Variants in NKAIN2 observed in about 807,000 individuals in gnomAD.
The protein encoded by NKAIN2 is sodium/potassium transporting ATPase interacting 2.
NKAIN2 carries 14 observed loss-of-function variants against 32.6 expected under a neutral mutation model. The observed-to-expected ratio is 0.43, with a 90% CI of 0.28 to 0.67. The LOEUF (loss-of-function observed/expected upper bound fraction) is 0.67. Ranked by LOEUF, NKAIN2 falls within the 30% of genes least tolerant of loss-of-function variation. The pLI is 0.17. For synonymous variants in NKAIN2, 80 were observed against 87.2 expected (o/e 0.92, Z 0.46); for missense variants, 198 against 258.3 (o/e 0.77, Z 1.60).
intron 4 of NKAIN2, among the ~76,000 whole-genome samples, chr6:124,706,532 C>T (rs1467489658): frequency 6.6e-6 from 1 of 152,012 alleles, no homozygotes; most frequent in African/African-American, 2.4e-5. Flanking sequence ...CAAGTCCAGG[C>T]AGAGCTATCA....
At chr6:124,512,619 C>A (rs1278760594) in intron 3 of NKAIN2, among the ~76,000 whole-genome samples, 1 of 152,184 alleles carries the variant, frequency 6.6e-6, no homozygotes, top group Admixed American at 6.5e-5. Flanking sequence ...AGTAGTCAGG[C>A]TGTTGCCATA....
chr6:124,435,283 A>C (rs1775390170), intron 3 of NKAIN2, among the ~76,000 whole-genome samples: 1 of 152,148 alleles, frequency 6.6e-6, no homozygotes, highest in South Asian at 2.1e-4. Context: ...GTCTTGGTAC[A>C]TCATTAAGTT....
chr6:124,426,614 T>G (rs1774992998), intron 3 of NKAIN2, among the ~76,000 whole-genome samples: 1 of 152,138 alleles, frequency 6.6e-6, no homozygotes, highest in Non-Finnish European at 1.5e-5. Context: ...GAGGTACCAA[T>G]GTACATGGCT....
At chr6:124,770,885 A>C (rs1778722018) in intron 4 of NKAIN2, among the ~76,000 whole-genome samples, 1 of 152,134 alleles carries the variant, frequency 6.6e-6, no homozygotes, top group African/African-American at 2.4e-5. Context: ...AAATAATACC[A>C]AAAAAAGCCA....
chr6:124,819,164 C>CA, intron 6 of NKAIN2: 1 of 915,624 alleles, frequency 1.1e-6, no homozygotes, highest in Non-Finnish European at 1.3e-6. Flanking sequence ...AAGCGAAGAT[C>CA]AAAATAGAAA....
intron 4 of NKAIN2, among the ~76,000 whole-genome samples, chr6:124,721,655 A>C (rs935395486): frequency 2.0e-5 from 3 of 152,002 alleles, no homozygotes. Flanking sequence ...AAGTCATTCC[A>C]AGAAGTCTTT....
At chr6:124,641,295 G>C (rs1783975226) in intron 3 of NKAIN2, among the ~76,000 whole-genome samples, 3 of 152,076 alleles carry the variant, frequency 2.0e-5, no homozygotes, top group Admixed American at 1.3e-4. Context: ...AATGCAAAAA[G>C]AATAGACCAA....
At chr6:123,908,280 C>T (rs1210234866) in intron 1 of NKAIN2, among the ~76,000 whole-genome samples, 1 of 152,056 alleles carries the variant, frequency 6.6e-6, no homozygotes, top group Non-Finnish European at 1.5e-5. Context: ...AAATATACCT[C>T]CTTAAGATTT....
At chr6:123,947,184 C>T (rs576951263) in intron 1 of NKAIN2, among the ~76,000 whole-genome samples, 3 of 152,262 alleles carry the variant, frequency 2.0e-5, no homozygotes, top group East Asian at 3.9e-4. Context: ...GTTATTCTAG[C>T]CCTTTGTCTT....
At chr6:124,632,859 A>G (rs1007230619) in intron 3 of NKAIN2, among the ~76,000 whole-genome samples, 1 of 152,192 alleles carries the variant, frequency 6.6e-6, no homozygotes, top group Non-Finnish European at 1.5e-5. Context: ...CAACTAAAAT[A>G]TCTTTAAAAG....
At chr6:123,811,661 T>G (rs1773478238) in intron 1 of NKAIN2, among the ~76,000 whole-genome samples, 3 of 152,136 alleles carry the variant, frequency 2.0e-5, no homozygotes. Flanking sequence ...CTAGGGGAGA[T>G]AATATGCTAA....
At chr6:124,169,394 A>G (rs1788734753) in intron 1 of NKAIN2, among the ~76,000 whole-genome samples, 1 of 152,162 alleles carries the variant, frequency 6.6e-6, no homozygotes, top group African/African-American at 2.4e-5. Context: ...ATTGCTCATT[A>G]AGTATTAAAA....
chr6:124,729,577 C>G (rs1282356694), intron 4 of NKAIN2, among the ~76,000 whole-genome samples: 3 of 151,490 alleles, frequency 2.0e-5, no homozygotes, highest in South Asian at 4.2e-4. Flanking sequence ...TAAAAGCTAT[C>G]TATGACAAAA....
intron 4 of NKAIN2, among the ~76,000 whole-genome samples, chr6:124,739,422 T>G (rs1304878561): frequency 1.3e-5 from 2 of 151,864 alleles, no homozygotes; most frequent in Non-Finnish European, 1.5e-5. Flanking sequence ...TATGCATGCG[T>G]GCACACCATT....
At chr6:124,661,455 G>C (rs1344068617) in intron 4 of NKAIN2, among the ~76,000 whole-genome samples, 3 of 152,202 alleles carry the variant, frequency 2.0e-5, no homozygotes, top group Non-Finnish European at 2.9e-5. Context: ...TGGCAAGCCT[G>C]TCACCCTGTT....
At chr6:124,702,057 G>A (rs189040477) in intron 4 of NKAIN2, among the ~76,000 whole-genome samples, 16 of 152,126 alleles carry the variant, frequency 1.1e-4, no homozygotes, top group Middle Eastern at 3.4e-3. Flanking sequence ...CATTCCTCAT[G>A]GAAGAATAGT....
intron 3 of NKAIN2, among the ~76,000 whole-genome samples, chr6:124,577,784 GCT>G (rs1263161784): frequency 6.6e-6 from 1 of 152,036 alleles, no homozygotes; most frequent in East Asian, 1.9e-4. Flanking sequence ...GCAGCTCACA[GCT>G]CTAGGAGAGA....
chr6:124,632,222 A>G (rs748909422), intron 3 of NKAIN2, among the ~76,000 whole-genome samples: 27 of 152,324 alleles, frequency 1.8e-4, no homozygotes, highest in Non-Finnish European at 1.8e-4. Flanking sequence ...ATCACTTTCT[A>G]TACGCTTAAG....
intron 1 of NKAIN2, among the ~76,000 whole-genome samples, chr6:123,993,486 G>C (rs180936532): frequency 6.6e-6 from 1 of 152,038 alleles, no homozygotes; most frequent in Admixed American, 6.6e-5. Context: ...ATACATATGG[G>C]CATAAGCCAT....
Sources: allele counts gnomAD v4.1 joint callset (sites outside exome capture counted in the v4.1 genomes callset), GRCh38; gene constraint gnomAD v4.1.1; transcripts MANE v1.5; gene names NCBI Gene and HGNC (gene_info 2026-07-23, HGNC 2026-07-21).